PTPRT: variants seen among roughly 807,000 people sequenced by gnomAD.
PTPRT encodes receptor-type tyrosine-protein phosphatase T.
Under a neutral mutation model 176.8 loss-of-function variants are expected in PTPRT, and 56 were observed. That is an observed-to-expected ratio of 0.32 (90% CI 0.26 to 0.40). The LOEUF (loss-of-function observed/expected upper bound fraction) is 0.40, where lower values mean the gene tolerates loss of function less well. PTPRT is among the 10% of genes least tolerant of loss of function. The pLI is 1.00. For synonymous variants in PTPRT, 783 were observed against 739.0 expected (o/e 1.06, Z -0.96); for missense variants, 1,540 against 1,908.2 (o/e 0.81, Z 3.60).
At chr20:42,703,628 C>T (rs192991890) in intron 6 of PTPRT, among the ~76,000 whole-genome samples, 53 of 152,214 alleles carry the variant, frequency 3.5e-4, no homozygotes, top group Middle Eastern at 3.4e-3. Context: ...TCTTGGAAGA[C>T]GAAGCTTAGA....
chr20:42,420,941 T>C (rs550458610), intron 9 of PTPRT, among the ~76,000 whole-genome samples: 1 of 152,276 alleles, frequency 6.6e-6, no homozygotes, highest in African/African-American at 2.4e-5. Flanking sequence ...AGGAAAGGAT[T>C]AGGATTGGTG....
At chr20:42,185,441 G>A (rs748877574) in intron 16 of PTPRT, among the ~76,000 whole-genome samples, 3 of 152,160 alleles carry the variant, frequency 2.0e-5, no homozygotes, top group Non-Finnish European at 4.4e-5. Flanking sequence ...CCAAATGGTT[G>A]ACTTCTTGAG....
chr20:43,122,186 G>A (rs78101684), intron 1 of PTPRT, among the ~76,000 whole-genome samples: 2,144 of 152,262 alleles, frequency 0.014, 25 homozygotes, highest in Non-Finnish European at 0.021. Context: ...CCAGCCCAGG[G>A]ACCACACTAT....
chr20:42,428,518 T>C (rs2059186916), intron 9 of PTPRT, among the ~76,000 whole-genome samples: 1 of 152,162 alleles, frequency 6.6e-6, no homozygotes, highest in Non-Finnish European at 1.5e-5. Flanking sequence ...TTAGCCCAAC[T>C]TGCCTTTTGC....
chr20:42,068,779 C>G (rs1411667999), downstream of PTPRT, among the ~76,000 whole-genome samples: 1 of 152,182 alleles, frequency 6.6e-6, no homozygotes, highest in East Asian at 1.9e-4. Flanking sequence ...GGTGTGGTCC[C>G]ATGTTTCCAG....
At chr20:42,060,449 C>T in the PTPRT span, among the ~76,000 whole-genome samples, 2 of 152,132 alleles carry the variant, frequency 1.3e-5, no homozygotes, top group Non-Finnish European at 2.9e-5. Context: ...TGGCTGTGTC[C>T]CCACCCAAAT....
intron 23 of PTPRT, among the ~76,000 whole-genome samples, chr20:42,110,077 C>T (rs868676153): frequency 6.0e-5 from 9 of 148,960 alleles, no homozygotes; most frequent in African/African-American, 2.2e-4. Flanking sequence ...GACAGAGTCT[C>T]GCTCTGTCAC....
intron 1 of PTPRT, among the ~76,000 whole-genome samples, chr20:42,894,335 G>A (rs562187968): frequency 6.6e-6 from 1 of 152,248 alleles, no homozygotes; most frequent in Admixed American, 6.5e-5. Context: ...AAGAGACGGG[G>A]ACAGAAAGCT....
At chr20:42,497,773 T>A (rs1237041357) in intron 7 of PTPRT, among the ~76,000 whole-genome samples, 1 of 152,152 alleles carries the variant, frequency 6.6e-6, no homozygotes, top group Non-Finnish European at 1.5e-5. Context: ...TGCAACCACA[T>A]AAGAGCCGCA....
chr20:42,829,283 C>T (rs1266088324), intron 2 of PTPRT, among the ~76,000 whole-genome samples: 1 of 152,224 alleles, frequency 6.6e-6, no homozygotes, highest in Non-Finnish European at 1.5e-5. Flanking sequence ...TTACCCAATG[C>T]CCGTACCTCC....
At chr20:42,782,405 G>A (rs541903357) in intron 3 of PTPRT, among the ~76,000 whole-genome samples, 1 of 152,240 alleles carries the variant, frequency 6.6e-6, no homozygotes, top group African/African-American at 2.4e-5. Context: ...TTTCTACCTA[G>A]GTACCACATC....
chr20:42,496,405 T>C (rs572872661), intron 7 of PTPRT, among the ~76,000 whole-genome samples: 34 of 152,330 alleles, frequency 2.2e-4, no homozygotes, highest in African/African-American at 7.7e-4. Flanking sequence ...AGTTTCCATG[T>C]CCTAAAAGAA....
intron 4 of PTPRT, among the ~76,000 whole-genome samples, chr20:42,777,382 T>C (rs6103037): frequency 0.17 from 26,246 of 152,020 alleles, 2,444 homozygotes; most frequent in Non-Finnish European, 0.18. Context: ...GAAGCACCCC[T>C]CCACCAAATC....
intron 10 of PTPRT, among the ~76,000 whole-genome samples, chr20:42,351,683 GTAATTCA>G (rs1218164548): frequency 9.9e-6 from 1 of 101,264 alleles, no homozygotes; most frequent in Non-Finnish European, 2.0e-5. Context: ...CCCTATAATA[GTAATTCA>G]TTCATTCATT....
intron 5 of PTPRT, among the ~76,000 whole-genome samples, chr20:42,761,238 C>G (rs1245945237): frequency 6.6e-6 from 1 of 151,552 alleles, no homozygotes; most frequent in African/African-American, 2.4e-5. Context: ...AGTTCAAGAC[C>G]AGCCTGACCA....
intron 9 of PTPRT, among the ~76,000 whole-genome samples, chr20:42,419,688 G>A (rs1203486940): frequency 6.6e-6 from 1 of 151,998 alleles, no homozygotes; most frequent in Admixed American, 6.6e-5. Context: ...CCTGGTTCTG[G>A]TTACTTCCTC....
chr20:43,156,679 AG>A lies in PTPRT; in HGVS notation c.88+32966del, dbSNP rs544845568. ...TCAAACCCAATGCTGACTTGGATGGAGGAGGGAGGATTAAAGCCTACATACT... is the reference window on the plus strand; with the variant it reads ...TCAAACCCAATGCTGACTTGGATGGAGAGGGAGGATTAAAGCCTACATACT... On this transcript the variant is annotated intron_variant, in intron 1 of 30. Transcript: ENST00000373187. Among the ~76,000 whole-genome samples the A allele has an allele frequency of 2.0e-4, 30 of 152,282 alleles. No individual in the cohort carries two copies. The South Asian group carries it at 6.2e-3, about 32-fold the overall frequency.
chr20:42,612,700 C>T (rs1187255913), intron 7 of PTPRT, among the ~76,000 whole-genome samples: 1 of 152,014 alleles, frequency 6.6e-6, no homozygotes, highest in Non-Finnish European at 1.5e-5. Context: ...ATCATGCAAA[C>T]CCAGAAGCCT....
At chr20:42,124,234 T>G (rs1439390654) in intron 19 of PTPRT, among the ~76,000 whole-genome samples, 1 of 152,174 alleles carries the variant, frequency 6.6e-6, no homozygotes, top group Non-Finnish European at 1.5e-5. Context: ...TTAAAAGAAC[T>G]TTGAGTTCAT....
Sources: gnomAD v4.1 joint callset for allele counts (sites outside exome capture counted in the v4.1 genomes callset) on GRCh38, gnomAD v4.1.1 for gene constraint, MANE v1.5 for transcripts, NCBI Gene and HGNC (gene_info 2026-07-23, HGNC 2026-07-21) for gene names.